Variants in RBMS3 observed in about 807,000 individuals in gnomAD.
The protein encoded by RBMS3 is RNA-binding motif, single-stranded-interacting protein 3.
A neutral mutation model predicts 66.8 loss-of-function variants in RBMS3; 27 were observed. The observed-to-expected ratio is 0.40, with a 90% confidence interval of 0.30 to 0.56. The LOEUF (loss-of-function observed/expected upper bound fraction) is 0.56, where lower values mean the gene tolerates loss of function less well. RBMS3 is among the 20% of genes least tolerant of loss of function. The probability of loss-of-function intolerance (pLI) is 0.40; values close to 1 mark genes in which losing one functional copy is unlikely to be tolerated. For synonymous variants in RBMS3, 188 were observed against 183.0 expected, an observed-to-expected ratio of 1.03 and a Z score of -0.22; for missense variants, 513 against 549.5, an observed-to-expected ratio of 0.93 and a Z score of 0.66.
chr3:29,630,486 A>G (rs948696265), intron 4 of RBMS3, among the ~76,000 whole-genome samples: 2 of 151,928 alleles, frequency 1.3e-5, no homozygotes, highest in Admixed American at 1.3e-4. Context: ...TACATAGGAA[A>G]CTCAGTCAAT....
At chr3:29,925,186 T>C (rs1390331551) in intron 10 of RBMS3, 1 of 152,192 alleles carries the variant, frequency 6.6e-6, no homozygotes, top group Non-Finnish European at 1.5e-5. Context: ...TTTTGATTAA[T>C]CAAGTCTTAA....
chr3:29,505,326 T>C (rs2044141083), intron 3 of RBMS3, among the ~76,000 whole-genome samples: 1 of 151,926 alleles, frequency 6.6e-6, no homozygotes, highest in South Asian at 2.1e-4. Context: ...CCTTTTGCTC[T>C]TGTGTATTCT....
chr3:29,534,306 C>T (rs1252317912), intron 3 of RBMS3, among the ~76,000 whole-genome samples: 5 of 152,096 alleles, frequency 3.3e-5, no homozygotes, highest in African/African-American at 9.7e-5. Context: ...TGAGTTTCTG[C>T]GGAAGGAAAG....
At chr3:29,930,114 T>TTC (rs2061076391) in intron 10 of RBMS3, among the ~76,000 whole-genome samples, 3 of 66,616 alleles carry the variant, frequency 4.5e-5, no homozygotes, top group Non-Finnish European at 1.1e-4. Flanking sequence ...TCTTTCTTTT[T>TTC]TTTTTTTTTT....
At chr3:29,437,123 T>C (rs1207440143) in intron 2 of RBMS3, among the ~76,000 whole-genome samples, 2 of 152,254 alleles carry the variant, frequency 1.3e-5, no homozygotes, top group East Asian at 1.9e-4. Flanking sequence ...AGCCAATTGT[T>C]ACATATTCAA....
chr3:29,396,286 T>G (rs967825523), intron 1 of RBMS3, among the ~76,000 whole-genome samples: 2 of 152,142 alleles, frequency 1.3e-5, no homozygotes, highest in African/African-American at 4.8e-5. Flanking sequence ...AAGCCTATAT[T>G]TTTAAAAAAT....
At chr3:29,525,569 T>A (rs963368542) in intron 3 of RBMS3, among the ~76,000 whole-genome samples, 1 of 152,244 alleles carries the variant, frequency 6.6e-6, no homozygotes, top group Non-Finnish European at 1.5e-5. Flanking sequence ...TTCTCTTTCC[T>A]TTTTGGGTTT....
intron 4 of RBMS3, among the ~76,000 whole-genome samples, chr3:29,652,683 A>G (rs548095936): frequency 6.6e-6 from 1 of 152,270 alleles, no homozygotes; most frequent in Non-Finnish European, 1.5e-5. Flanking sequence ...AAGCAGGCAA[A>G]ATGTTTGGAA....
chr3:29,852,081 G>T (rs1224240386), intron 6 of RBMS3, among the ~76,000 whole-genome samples: 1 of 152,118 alleles, frequency 6.6e-6, no homozygotes, highest in East Asian at 1.9e-4. Flanking sequence ...ATGGGAAAAG[G>T]ACTCCCTATT....
intron 2 of RBMS3, among the ~76,000 whole-genome samples, chr3:29,486,354 T>A (rs1023157167): frequency 2.6e-5 from 4 of 152,170 alleles, no homozygotes; most frequent in African/African-American, 9.6e-5. Flanking sequence ...GAAATTCCTG[T>A]TACTCCAGTC....
chr3:29,822,325 G>T (rs376771792), intron 6 of RBMS3, among the ~76,000 whole-genome samples: 1 of 152,126 alleles, frequency 6.6e-6, no homozygotes, highest in African/African-American at 2.4e-5. Context: ...AATCTCTGTT[G>T]CCATGATTAA....
intron 2 of RBMS3, among the ~76,000 whole-genome samples, chr3:29,462,262 A>T (rs9864996): frequency 0.36 from 55,048 of 151,920 alleles, 10,376 homozygotes; most frequent in East Asian, 0.46. Context: ...CAATGTCGTT[A>T]TCATCAACTT....
At chr3:29,507,171 T>A (rs1407014147) in intron 3 of RBMS3, among the ~76,000 whole-genome samples, 1 of 151,882 alleles carries the variant, frequency 6.6e-6, no homozygotes, top group Non-Finnish European at 1.5e-5. Context: ...TTAGGATATC[T>A]CTTTACTATC....
intron 6 of RBMS3, among the ~76,000 whole-genome samples, chr3:29,834,821 C>T (rs534282408): frequency 1.3e-5 from 2 of 152,018 alleles, no homozygotes; most frequent in Non-Finnish European, 2.9e-5. Flanking sequence ...ATTAAAATTT[C>T]CAATCAAAAT....
At chr3:29,900,466 T>G (rs1354210290) in intron 10 of RBMS3, among the ~76,000 whole-genome samples, 7 of 151,796 alleles carry the variant, frequency 4.6e-5, no homozygotes, top group Non-Finnish European at 1.0e-4. Context: ...TATGACGTAT[T>G]ACATTAGAAT....
chr3:29,633,585 T>A (rs1339417492), intron 4 of RBMS3, among the ~76,000 whole-genome samples: 1 of 151,836 alleles, frequency 6.6e-6, no homozygotes, highest in Non-Finnish European at 1.5e-5. Context: ...CAGCTTGTTT[T>A]TTCTTGGGAA....
At chr3:29,964,176 T>C (rs1173196439) in intron 12 of RBMS3, among the ~76,000 whole-genome samples, 1 of 152,210 alleles carries the variant, frequency 6.6e-6, no homozygotes, top group Non-Finnish European at 1.5e-5. Flanking sequence ...AAATAGTGTG[T>C]GAAGTATAAC....
intron 4 of RBMS3, among the ~76,000 whole-genome samples, chr3:29,688,154 T>C (rs2051816811): frequency 6.6e-6 from 1 of 152,136 alleles, no homozygotes; most frequent in Non-Finnish European, 1.5e-5. Flanking sequence ...TCAGCCCTGA[T>C]TTGCCTTTTC....
chr3:29,424,951 T>C (rs1009435835), intron 1 of RBMS3, among the ~76,000 whole-genome samples: 10 of 152,156 alleles, frequency 6.6e-5, no homozygotes, highest in African/African-American at 2.4e-4. Context: ...TGTTGCTCTT[T>C]AAGCTACATC....
Sources: allele counts gnomAD v4.1 joint callset (sites outside exome capture counted in the v4.1 genomes callset), GRCh38; gene constraint gnomAD v4.1.1; transcripts MANE v1.5; gene names NCBI Gene and HGNC (gene_info 2026-07-23, HGNC 2026-07-21).